The following RGS6 variants were observed in gnomAD, a reference collection of about 807,000 sequenced individuals.
The protein encoded by RGS6 is regulator of G-protein signaling 6.
In RGS6, 30 loss-of-function variants were observed where a neutral mutation model predicts 78.5. The ratio of observed to expected loss-of-function variants is 0.38; its 90% CI spans 0.29 to 0.52. The LOEUF is 0.52. Among genes scored for constraint, RGS6 ranks in the 20% least tolerant of loss-of-function variants. The pLI, the probability that RGS6 is intolerant of heterozygous loss-of-function variation, is 0.85. For missense variants in RGS6, 495 were observed against 609.7 expected (o/e 0.81, Z 1.98); for synonymous variants, 206 against 206.0 (o/e 1.00, Z 0.00).
chr14:72,010,070 G>A (rs2085367967), intron 2 of RGS6, among the ~76,000 whole-genome samples: 1 of 152,236 alleles, frequency 6.6e-6, no homozygotes, highest in South Asian at 2.1e-4. Context: ...ATAAGAATTA[G>A]TGTATGACCA....
At chr14:72,548,342 T>TGTGTGTGTGCGCGCGC (rs796698263) in intron 17 of RGS6, among the ~76,000 whole-genome samples, 3 of 134,744 alleles carry the variant, frequency 2.2e-5, no homozygotes, top group Non-Finnish European at 4.6e-5. Flanking sequence ...TGTGTGTGTG[T>TGTGTGTGTGCGCGCGC]GCGCGCGTGT....
the RGS6 span, among the ~76,000 whole-genome samples, chr14:72,596,953 C>T: frequency 0.42 from 64,194 of 151,986 alleles, 14,635 homozygotes; most frequent in East Asian, 0.76. Flanking sequence ...TCTCAAGAGA[C>T]AGAGGCCAGG....
chr14:72,244,675 C>T (rs1349164852), intron 2 of RGS6, among the ~76,000 whole-genome samples: 3 of 152,320 alleles, frequency 2.0e-5, no homozygotes, highest in East Asian at 1.9e-4. Flanking sequence ...CATACCTGCA[C>T]CCCACATGTG....
intron 2 of RGS6, among the ~76,000 whole-genome samples, chr14:72,180,660 T>C (rs2097162017): frequency 6.6e-6 from 1 of 152,246 alleles, no homozygotes; most frequent in Admixed American, 6.5e-5. Flanking sequence ...GGTTTCAATA[T>C]GTCCCCAAGA....
At chr14:72,100,286 C>T (rs2095500961) in intron 2 of RGS6, among the ~76,000 whole-genome samples, 1 of 152,150 alleles carries the variant, frequency 6.6e-6, no homozygotes, top group African/African-American at 2.4e-5. Context: ...GGCCAGATCA[C>T]TTGAGGTTAG....
chr14:72,144,291 T>C (rs1194562566), intron 2 of RGS6, among the ~76,000 whole-genome samples: 3 of 152,182 alleles, frequency 2.0e-5, no homozygotes, highest in Non-Finnish European at 2.9e-5. Context: ...CTTAGCAGAG[T>C]TTGGGAATAA....
intron 2 of RGS6, among the ~76,000 whole-genome samples, chr14:72,259,458 T>G (rs2057705652): frequency 6.6e-6 from 1 of 152,152 alleles, no homozygotes; most frequent in African/African-American, 2.4e-5. Flanking sequence ...TGTAGTAGGC[T>G]CAGCAGTACG....
At chr14:71,875,370 TG>T in the RGS6 span, among the ~76,000 whole-genome samples, 4 of 152,218 alleles carry the variant, frequency 2.6e-5, no homozygotes, top group Non-Finnish European at 5.9e-5. Flanking sequence ...CATTTAATCT[TG>T]GGAGGGTGTT....
At chr14:72,508,562 C>CT (rs61097187) in intron 13 of RGS6, among the ~76,000 whole-genome samples, 1,403 of 56,452 alleles carry the variant, frequency 0.025, 101 homozygotes, top group African/African-American at 0.04. Flanking sequence ...ACACAAGCTC[C>CT]TTTTTTTTTT....
At chr14:72,053,644 A>G (rs2093461471) in intron 2 of RGS6, among the ~76,000 whole-genome samples, 1 of 152,192 alleles carries the variant, frequency 6.6e-6, no homozygotes, top group South Asian at 2.1e-4. Flanking sequence ...CTGTAGGCAA[A>G]CCTATTTTTC....
At chr14:72,079,833 C>G (rs2094742925) in intron 2 of RGS6, among the ~76,000 whole-genome samples, 1 of 152,162 alleles carries the variant, frequency 6.6e-6, no homozygotes, top group Non-Finnish European at 1.5e-5. Context: ...TTAATGTCCT[C>G]CAGGTTGACC....
At chr14:72,342,873 G>A (rs1466701530) in intron 2 of RGS6, among the ~76,000 whole-genome samples, 3 of 152,016 alleles carry the variant, frequency 2.0e-5, no homozygotes, top group African/African-American at 2.4e-5. Context: ...CTTCCCTGTC[G>A]TCATCCCTGA....
chr14:72,031,180 T>C (rs1016700470), intron 2 of RGS6, among the ~76,000 whole-genome samples: 9 of 152,174 alleles, frequency 5.9e-5, no homozygotes, highest in African/African-American at 1.7e-4. Flanking sequence ...TTTGAAAATA[T>C]TAAATGATAG....
the RGS6 span, among the ~76,000 whole-genome samples, chr14:72,597,690 ATCATCTCAAACAT>A: frequency 6.6e-6 from 1 of 152,220 alleles, no homozygotes; most frequent in Admixed American, 6.5e-5. Flanking sequence ...AGGGTAATCC[ATCATCTCAAACAT>A]TCATCATTTC....
chr14:72,454,268 A>G (rs543423740), intron 3 of RGS6, among the ~76,000 whole-genome samples: 53 of 152,302 alleles, frequency 3.5e-4, no homozygotes, highest in Middle Eastern at 6.8e-3. Flanking sequence ...GAAGTCCTCT[A>G]TAGACACTTC....
chr14:72,548,348 C>CGCGT (rs141987560), intron 17 of RGS6, among the ~76,000 whole-genome samples: 14 of 129,464 alleles, frequency 1.1e-4, no homozygotes, highest in African/African-American at 3.8e-4. Context: ...TGTGTGCGCG[C>CGCGT]GTGTGTGTGT....
Position 72,465,598 on chromosome 14 carries a change from A to T in RGS6, c.395-160A>T, listed in dbSNP as rs55854917. ...GATGGATGGATGGATGGATGGATGG[A>T]TGGTTGGGTGGATGGGTGGATGGGT... On this transcript the variant is annotated intron_variant, in intron 6 of 17. Coordinates refer to ENST00000553525, the MANE Select transcript of RGS6 (RefSeq NM_001204424.2). Among the ~76,000 whole-genome samples, 268 of 116,800 alleles carry T rather than the reference A, an allele frequency of 2.3e-3. 1 individual carries two copies. The highest frequency in any genetic ancestry group is 6.7e-3 in the African/African-American group (193 of 28,968). 76.6% of individuals were successfully genotyped at this position (116,800 alleles called of 152,430 possible).
At chr14:72,253,369 A>T (rs1209288809) in intron 2 of RGS6, among the ~76,000 whole-genome samples, 1 of 152,236 alleles carries the variant, frequency 6.6e-6, no homozygotes, top group African/African-American at 2.4e-5. Flanking sequence ...GTTATTTGTT[A>T]CTGCTGCATA....
chr14:72,086,708 G>A (rs1015222545), intron 2 of RGS6, among the ~76,000 whole-genome samples: 4 of 152,190 alleles, frequency 2.6e-5, no homozygotes, highest in African/African-American at 9.7e-5. Context: ...AAAATGCTGA[G>A]CAGGAGATTT....
Sources: allele counts gnomAD v4.1 joint callset (sites outside exome capture counted in the v4.1 genomes callset), GRCh38; gene constraint gnomAD v4.1.1; transcripts MANE v1.5; gene names NCBI Gene and HGNC (gene_info 2026-07-23, HGNC 2026-07-21).